The following EDA variants were observed in gnomAD, a reference collection of about 807,000 sequenced individuals.
The protein encoded by EDA is ectodysplasin A.
In EDA, 2 loss-of-function variants were observed where a neutral mutation model predicts 23.6. The ratio of observed to expected loss-of-function variants is 0.08; its 90% CI spans 0.03 to 0.27. The LOEUF is 0.27. Ranked by LOEUF, EDA falls within the 10% of genes least tolerant of loss-of-function variation. The probability of loss-of-function intolerance (pLI) is 1.00; values close to 1 mark genes in which losing one functional copy is unlikely to be tolerated. For synonymous variants in EDA, 131 were observed against 132.0 expected (o/e 0.99, Z 0.05); for missense variants, 229 against 324.2 (o/e 0.71, Z 2.26).
At chrX:69,785,818 A>C (rs946243225) in intron 1 of EDA, among the ~76,000 whole-genome samples, 8 of 107,018 alleles carry the variant, frequency 7.5e-5, no homozygotes, top group Non-Finnish European at 1.6e-4. Context: ...AAAATGAGTT[A>C]GGGAGGATTC....
intron 1 of EDA, among the ~76,000 whole-genome samples, chrX:69,773,814 T>G (rs1351537627): frequency 8.9e-6 from 1 of 111,900 alleles, no homozygotes. Context: ...CTGTTAGATA[T>G]GATTTGCAAA....
intron 2 of EDA, among the ~76,000 whole-genome samples, chrX:69,995,887 T>C (rs1239223431): frequency 8.9e-6 from 1 of 111,759 alleles, no homozygotes; most frequent in Non-Finnish European, 1.9e-5. Context: ...TCCATCCAGT[T>C]GTTTGTACAG....
chrX:69,690,935 C>T (rs1431925802), intron 1 of EDA, among the ~76,000 whole-genome samples: 3 of 111,688 alleles, frequency 2.7e-5, no homozygotes, highest in African/African-American at 9.7e-5. Flanking sequence ...ATCATATTCC[C>T]TTATAGTCCT....
At chrX:69,735,748 G>T (rs980965977) in intron 1 of EDA, among the ~76,000 whole-genome samples, 1 of 111,279 alleles carries the variant, frequency 9.0e-6, no homozygotes, top group Admixed American at 9.6e-5. Context: ...AAAAGACAGG[G>T]TATTCTTGGA....
chrX:69,803,375 T>G (rs964218624), intron 1 of EDA, among the ~76,000 whole-genome samples: 1 of 110,733 alleles, frequency 9.0e-6, no homozygotes, highest in Non-Finnish European at 1.9e-5. Context: ...GTGAATAACT[T>G]TTAGTGTTTT....
intron 2 of EDA, among the ~76,000 whole-genome samples, chrX:69,983,557 C>A (rs1444396229): frequency 2.4e-4 from 6 of 24,928 alleles, no homozygotes; most frequent in Non-Finnish European, 4.5e-4. Context: ...GTTGAAAATT[C>A]TTTTCTTTAA....
At chrX:69,952,674 T>G (rs2018944603) in intron 1 of EDA, among the ~76,000 whole-genome samples, 2 of 112,302 alleles carry the variant, frequency 1.8e-5, no homozygotes, top group Non-Finnish European at 3.8e-5. Context: ...TGAGGGACTT[T>G]GAACTACTCT....
intron 1 of EDA, among the ~76,000 whole-genome samples, chrX:69,711,307 C>G (rs1321883412): frequency 3.6e-5 from 4 of 111,142 alleles, no homozygotes; most frequent in Admixed American, 2.9e-4. Flanking sequence ...ATTGATTTGT[C>G]TATGTTGAAC....
At chrX:69,856,811 C>T (rs1173278005) in intron 1 of EDA, among the ~76,000 whole-genome samples, 2 of 110,983 alleles carry the variant, frequency 1.8e-5, no homozygotes, top group Non-Finnish European at 3.8e-5. Context: ...TTCTCCCACT[C>T]TGTGGGTTGT....
intron 1 of EDA, among the ~76,000 whole-genome samples, chrX:69,821,450 A>G (rs1206159742): frequency 8.9e-6 from 1 of 112,291 alleles, no homozygotes; most frequent in Non-Finnish European, 1.9e-5. Flanking sequence ...GTAGCTATCA[A>G]CAATAGTATT....
At chrX:69,877,981 G>A (rs915214647) in intron 1 of EDA, among the ~76,000 whole-genome samples, 6 of 110,810 alleles carry the variant, frequency 5.4e-5, no homozygotes, top group Non-Finnish European at 7.6e-5. Flanking sequence ...ATATGTGTAG[G>A]TCTATTTCTG....
At chrX:69,750,138 G>A (rs1349677579) in intron 1 of EDA, among the ~76,000 whole-genome samples, 1 of 101,389 alleles carries the variant, frequency 9.9e-6, no homozygotes, top group Admixed American at 1.1e-4. Context: ...ATTTACATTA[G>A]GTATATCTCC....
At chrX:69,643,976 C>G (rs1217751065) in intron 1 of EDA, among the ~76,000 whole-genome samples, 1 of 111,145 alleles carries the variant, frequency 9.0e-6, no homozygotes, top group Non-Finnish European at 1.9e-5. Context: ...TGTGTCTGTT[C>G]TTGTACTGGT....
At chrX:69,622,484 A>G (rs1171542416) in intron 1 of EDA, among the ~76,000 whole-genome samples, 3 of 111,820 alleles carry the variant, frequency 2.7e-5, no homozygotes, top group Non-Finnish European at 5.6e-5. Context: ...GCTCTTTTTC[A>G]TGTTTATTAT....
chrX:69,710,977 T>C (rs1354201199), intron 1 of EDA, among the ~76,000 whole-genome samples: 10 of 110,743 alleles, frequency 9.0e-5, no homozygotes, highest in South Asian at 7.7e-4. Context: ...AATTGAATAC[T>C]CTTTATTTCC....
chrX:69,938,533 C>G (rs749597048), intron 1 of EDA, among the ~76,000 whole-genome samples: 1 of 111,905 alleles, frequency 8.9e-6, no homozygotes, highest in African/African-American at 3.2e-5. Context: ...GAGTACTTTG[C>G]AAATATTTTC....
intron 1 of EDA, among the ~76,000 whole-genome samples, chrX:69,877,534 T>C (rs755636637): frequency 8.9e-6 from 1 of 112,285 alleles, no homozygotes; most frequent in East Asian, 2.8e-4. Flanking sequence ...TTTTTTGTTT[T>C]TTTATTATGA....
intron 1 of EDA, among the ~76,000 whole-genome samples, chrX:69,622,621 T>C (rs1280246798): frequency 8.9e-6 from 1 of 112,553 alleles, no homozygotes; most frequent in African/African-American, 3.2e-5. Context: ...TTTGTATTTT[T>C]TATGTTGTAA....
intron 1 of EDA, among the ~76,000 whole-genome samples, chrX:69,741,780 A>G (rs748248399): frequency 7.8e-4 from 87 of 112,019 alleles, no homozygotes; most frequent in African/African-American, 2.8e-3. Flanking sequence ...TTACATATGT[A>G]TCTAGCTGAT....
Sources: gnomAD v4.1 joint callset for allele counts (sites outside exome capture counted in the v4.1 genomes callset) on GRCh38, gnomAD v4.1.1 for gene constraint, MANE v1.5 for transcripts, NCBI Gene and HGNC (gene_info 2026-07-23, HGNC 2026-07-21) for gene names.